The following TFDP2 variants were observed in gnomAD, a reference collection of about 807,000 sequenced individuals.
The protein encoded by TFDP2 is transcription factor Dp-2.
In TFDP2, 17 loss-of-function variants were observed where a neutral mutation model predicts 59.3. The ratio of observed to expected loss-of-function variants is 0.29; its 90% CI spans 0.20 to 0.43. The LOEUF (loss-of-function observed/expected upper bound fraction) is 0.43, where lower values mean the gene tolerates loss of function less well. Ranked by LOEUF, TFDP2 falls within the 20% of genes least tolerant of loss-of-function variation. TFDP2 has a pLI of 1.00. For synonymous variants in TFDP2, 180 were observed against 194.7 expected (o/e 0.92, Z 0.63); for missense variants, 391 against 528.8 (o/e 0.74, Z 2.56).
At chr3:141,964,069 G>C in intron 9 of TFDP2, 106 bp from the exon 10 acceptor site, 5 of 1,037,594 alleles carry the variant, frequency 4.8e-6, no homozygotes, top group Non-Finnish European at 5.5e-6. Flanking sequence ...AGAGTTTAAA[G>C]AGACATCCCG....
intron 3 of TFDP2, among the ~76,000 whole-genome samples, chr3:142,009,431 G>A (rs541128013): frequency 6.6e-6 from 1 of 152,246 alleles, no homozygotes; most frequent in African/African-American, 2.4e-5. Context: ...ACAAAATGTG[G>A]CCGGGCACGG....
intron 3 of TFDP2, among the ~76,000 whole-genome samples, chr3:142,039,323 T>C (rs1274238847): frequency 6.6e-6 from 1 of 152,242 alleles, no homozygotes; most frequent in African/African-American, 2.4e-5. Flanking sequence ...TAGTCTCCTC[T>C]GGTATGTGAC....
Position 142,103,887 on chromosome 3 carries a change from T to G in TFDP2, c.-92-2046A>C, listed in dbSNP as rs570145657. Reference sequence around the variant, plus strand: ...AAAATTTTGTAGAAGAAAAGCAAGGTTTTTTTTTTCTGTTTTTTTCATGTG... The same window carrying G: ...AAAATTTTGTAGAAGAAAAGCAAGGGTTTTTTTTTCTGTTTTTTTCATGTG... On this transcript the variant is annotated intron_variant, in intron 1 of 12. Coordinates refer to ENST00000489671, the MANE Select transcript of TFDP2 (RefSeq NM_001178139.2). 4.8e-5 allele frequency among the ~76,000 whole-genome samples: 7 copies of G among 146,232 alleles called. No individual in the cohort carries two copies. In the East Asian group the frequency reaches 5.9e-4, roughly 12 times the overall value.
At chr3:141,965,515 A>C (rs1937843140) in intron 9 of TFDP2, among the ~76,000 whole-genome samples, 1 of 139,140 alleles carries the variant, frequency 7.2e-6, no homozygotes, top group African/African-American at 2.6e-5. Context: ...AAAGAAAAAA[A>C]GGAAAGAAAA....
intron 1 of TFDP2, among the ~76,000 whole-genome samples, chr3:142,125,056 A>G (rs1182290289): frequency 6.6e-6 from 1 of 152,108 alleles, no homozygotes; most frequent in Non-Finnish European, 1.5e-5. Flanking sequence ...TTTTTTTTAA[A>G]TTAGCCAATC....
At chr3:141,956,981 T>C (rs905902898) in intron 11 of TFDP2, among the ~76,000 whole-genome samples, 5 of 133,732 alleles carry the variant, frequency 3.7e-5, no homozygotes, top group African/African-American at 1.4e-4. Context: ...ACTTCACTTC[T>C]GTGAGGATGG....
intron 7 of TFDP2, among the ~76,000 whole-genome samples, chr3:141,977,217 C>A (rs1940823240): frequency 6.7e-6 from 1 of 148,524 alleles, no homozygotes; most frequent in South Asian, 2.1e-4. Context: ...TCCTCCTCAG[C>A]CTCTGGAGTA....
Position 141,952,706 on chromosome 3 carries a change from A to G in TFDP2, c.1158-10T>C, listed in dbSNP as rs1280078608. 1 of 1,608,366 alleles carries G rather than the reference A, an allele frequency of 6.2e-7. No homozygotes were observed. The highest frequency in any genetic ancestry group is 8.5e-7 in the Non-Finnish European group (1 of 1,178,714). On this transcript the variant is annotated splice_polypyrimidine_tract_variant and intron_variant, in intron 12 of 12. Transcript: ENST00000489671. ...TAACCCTTGGTTTACACTAGCAAAC[A>G]ATTAAAAACACACAGGCTCATTAAT...
chr3:142,115,795 TAACAG>T (rs2061835879), intron 1 of TFDP2, among the ~76,000 whole-genome samples: 1 of 152,220 alleles, frequency 6.6e-6, no homozygotes, highest in African/African-American at 2.4e-5. Context: ...CTTCTTGCAG[TAACAG>T]AACAGTTTTG....
At chr3:142,141,413 C>T (rs983604794) in intron 1 of TFDP2, among the ~76,000 whole-genome samples, 7 of 152,220 alleles carry the variant, frequency 4.6e-5, no homozygotes, top group Non-Finnish European at 1.0e-4. Flanking sequence ...GAACCAGGTA[C>T]CTCAGTTGGA....
At chr3:142,147,872 G>A (rs1481098839) in intron 1 of TFDP2, among the ~76,000 whole-genome samples, 1 of 152,148 alleles carries the variant, frequency 6.6e-6, no homozygotes, top group African/African-American at 2.4e-5. Flanking sequence ...TGCCATTAAA[G>A]ATTAATTACA....
At chr3:141,979,595 T>C (rs1941217229) in intron 6 of TFDP2, among the ~76,000 whole-genome samples, 1 of 152,034 alleles carries the variant, frequency 6.6e-6, no homozygotes, top group Non-Finnish European at 1.5e-5. Context: ...TGTGTCTCAG[T>C]TTCCTTTTTT....
In TFDP2 at chr3:142,111,114, C is replaced by T. The variant is rs1191333818; in HGVS notation, c.-92-9273G>A. On this transcript the variant is annotated intron_variant, in intron 1 of 12. Coordinates refer to ENST00000489671, the MANE Select transcript of TFDP2 (RefSeq NM_001178139.2). Reference sequence around the variant, plus strand: ...TACTTAATGACAGTCACTACAAGTGCTATGATGGAGACATAAAAGATTCAT... The same window carrying T: ...TACTTAATGACAGTCACTACAAGTGTTATGATGGAGACATAAAAGATTCAT... Among the ~76,000 whole-genome samples the T allele has an allele frequency of 3.3e-5, 5 of 152,190 alleles. No homozygotes were observed. The East Asian group carries it at 5.8e-4, about 18-fold the overall frequency.
intron 3 of TFDP2, among the ~76,000 whole-genome samples, chr3:142,061,758 A>C (rs2059917406): frequency 6.6e-6 from 1 of 152,058 alleles, no homozygotes; most frequent in Non-Finnish European, 1.5e-5. Context: ...CTCAGCCTTC[A>C]GACTCAGACT....
At chr3:142,061,237 G>A (rs1056700603) in intron 3 of TFDP2, among the ~76,000 whole-genome samples, 3 of 152,000 alleles carry the variant, frequency 2.0e-5, no homozygotes, top group Admixed American at 1.3e-4. Flanking sequence ...CTACAACAAC[G>A]TTTTAGCATA....
intron 6 of TFDP2, among the ~76,000 whole-genome samples, chr3:141,987,871 A>G (rs999302538): frequency 6.7e-6 from 1 of 148,846 alleles, no homozygotes; most frequent in East Asian, 2.0e-4. Flanking sequence ...CTCAGGAGGC[A>G]GTGGTTGCAG....
chr3:142,079,546 T>C (rs1376512604), intron 3 of TFDP2, among the ~76,000 whole-genome samples: 1 of 152,136 alleles, frequency 6.6e-6, no homozygotes. Flanking sequence ...AAGAAGTTTA[T>C]AGAACACCAA....
intron 2 of TFDP2, among the ~76,000 whole-genome samples, chr3:142,097,962 T>C (rs527377097): frequency 6.6e-6 from 1 of 152,088 alleles, no homozygotes; most frequent in Non-Finnish European, 1.5e-5. Flanking sequence ...CCAGCTAATT[T>C]TTGTATTTTT....
intron 1 of TFDP2, among the ~76,000 whole-genome samples, chr3:142,112,806 C>A (rs1200210660): frequency 2.6e-5 from 4 of 152,144 alleles, no homozygotes; most frequent in Non-Finnish European, 4.4e-5. Flanking sequence ...CAGGCACGTG[C>A]CACCACACCC....
Sources: allele counts gnomAD v4.1 joint callset (sites outside exome capture counted in the v4.1 genomes callset), GRCh38; gene constraint gnomAD v4.1.1; transcripts MANE v1.5; gene names NCBI Gene and HGNC (gene_info 2026-07-23, HGNC 2026-07-21).